Variants in GRM8 observed in about 807,000 individuals in gnomAD.
The protein encoded by GRM8 is metabotropic glutamate receptor 8.
A neutral mutation model predicts 87.2 loss-of-function variants in GRM8; 47 were observed. The ratio of observed to expected loss-of-function variants is 0.54; its 90% CI spans 0.43 to 0.69. The LOEUF (loss-of-function observed/expected upper bound fraction) is 0.69. Among genes scored for constraint, GRM8 ranks in the 30% least tolerant of loss-of-function variants. GRM8 has a pLI of 0.00. For synonymous variants in GRM8, 396 were observed against 404.5 expected, an observed-to-expected ratio of 0.98 and a Z score of 0.25; for missense variants, 1,019 against 1,139.2, an observed-to-expected ratio of 0.89 and a Z score of 1.52.
At chr7:126,994,543 T>C (rs1287695144) in intron 3 of GRM8, among the ~76,000 whole-genome samples, 1 of 152,146 alleles carries the variant, frequency 6.6e-6, no homozygotes, top group East Asian at 1.9e-4. Context: ...CCTGGCAGCA[T>C]TGACCACAAT....
intron 3 of GRM8, among the ~76,000 whole-genome samples, chr7:126,975,683 C>T (rs775910480): frequency 2.6e-5 from 4 of 152,088 alleles, no homozygotes; most frequent in Non-Finnish European, 4.4e-5. Flanking sequence ...GATCTTATGA[C>T]AGTTTTATTT....
Position 127,116,805 on chromosome 7 carries a change from C to T in GRM8, c.511-10093G>A, listed in dbSNP as rs559012013. On this transcript the variant is annotated intron_variant, in intron 2 of 10. Transcript: ENST00000339582. ...GTACTTAATTTTAGAAAACTTGCCACAGGCTGAAAAATATTAAACCATAGA... is the reference window on the plus strand; with the variant it reads ...GTACTTAATTTTAGAAAACTTGCCATAGGCTGAAAAATATTAAACCATAGA... 2.0e-5 allele frequency among the ~76,000 whole-genome samples: 3 copies of T among 152,312 alleles called. No individual in the cohort carries two copies. The East Asian group carries it at 5.8e-4, about 29-fold the overall frequency.
chr7:127,018,935 G>T (rs966612810), intron 3 of GRM8, among the ~76,000 whole-genome samples: 2 of 151,916 alleles, frequency 1.3e-5, no homozygotes, highest in Admixed American at 6.6e-5. Context: ...ACTTTGTTAC[G>T]TGAGAAAAGC....
At chr7:127,031,149 T>C (rs1817323096) in intron 3 of GRM8, among the ~76,000 whole-genome samples, 1 of 152,272 alleles carries the variant, frequency 6.6e-6, no homozygotes, top group South Asian at 2.1e-4. Context: ...GTTTTCTTTA[T>C]GTAGATTACT....
At chr7:126,875,512 T>C (rs1362264411) in intron 6 of GRM8, among the ~76,000 whole-genome samples, 3 of 152,186 alleles carry the variant, frequency 2.0e-5, no homozygotes, top group Non-Finnish European at 4.4e-5. Flanking sequence ...GAAGTCACCA[T>C]AGGTATGAAT....
chr7:126,639,991 T>C (rs946083549), intron 7 of GRM8, among the ~76,000 whole-genome samples: 1 of 152,162 alleles, frequency 6.6e-6, no homozygotes, highest in Non-Finnish European at 1.5e-5. Context: ...AAGCACTCCA[T>C]GTGGTTCAAA....
intron 1 of GRM8, among the ~76,000 whole-genome samples, chr7:127,246,790 C>T (rs1359650493): frequency 2.6e-5 from 4 of 152,206 alleles, no homozygotes; most frequent in Admixed American, 1.3e-4. Context: ...TTCTACACAC[C>T]TTCTCTGTAC....
At chr7:126,638,080 C>T (rs1802031559) in intron 7 of GRM8, among the ~76,000 whole-genome samples, 1 of 151,988 alleles carries the variant, frequency 6.6e-6, no homozygotes, top group Admixed American at 6.6e-5. Context: ...GCATTATATA[C>T]CACACTTTTC....
intron 9 of GRM8, among the ~76,000 whole-genome samples, chr7:126,470,875 T>C (rs1584726338): frequency 1.3e-5 from 2 of 152,144 alleles, no homozygotes; most frequent in Non-Finnish European, 2.9e-5. Flanking sequence ...TTTTTAATGA[T>C]TGCCATTCTA....
intron 9 of GRM8, among the ~76,000 whole-genome samples, chr7:126,526,270 G>C (rs1343491121): frequency 1.3e-5 from 2 of 152,142 alleles, no homozygotes; most frequent in African/African-American, 4.8e-5. Flanking sequence ...GATTAGGTTT[G>C]TGTATATGAT....
At chr7:126,912,474 A>G (rs1486856753) in intron 3 of GRM8, among the ~76,000 whole-genome samples, 2 of 152,204 alleles carry the variant, frequency 1.3e-5, no homozygotes, top group Non-Finnish European at 2.9e-5. Flanking sequence ...GAAGATTGTA[A>G]AACTTTTCAT....
intron 3 of GRM8, among the ~76,000 whole-genome samples, chr7:126,986,291 T>G (rs1812059247): frequency 6.6e-6 from 1 of 152,184 alleles, no homozygotes; most frequent in South Asian, 2.1e-4. Flanking sequence ...ATTACAGGCT[T>G]GAGTCACCAC....
chr7:126,489,231 GT>G (rs34919773), intron 9 of GRM8, among the ~76,000 whole-genome samples: 5,759 of 151,554 alleles, frequency 0.038, 337 homozygotes, highest in African/African-American at 0.12. Context: ...TTATGAGAAA[GT>G]TTTTTTTTGA....
At chr7:126,493,575 T>A (rs574192859) in intron 9 of GRM8, among the ~76,000 whole-genome samples, 14 of 152,038 alleles carry the variant, frequency 9.2e-5, no homozygotes, top group African/African-American at 3.4e-4. Flanking sequence ...AGAAAATGAG[T>A]AGCTGTATGC....
intron 9 of GRM8, among the ~76,000 whole-genome samples, chr7:126,476,178 C>G (rs549213636): frequency 5.3e-5 from 8 of 152,130 alleles, no homozygotes; most frequent in Non-Finnish European, 7.4e-5. Flanking sequence ...GGGAGGACAG[C>G]TTAAGGACAG....
At chr7:126,547,920 G>A (rs570442198) in intron 8 of GRM8, among the ~76,000 whole-genome samples, 1 of 151,668 alleles carries the variant, frequency 6.6e-6, no homozygotes, top group African/African-American at 2.4e-5. Context: ...TAGTTGATGT[G>A]CTGAACCTAA....
chr7:127,125,773 C>T (rs1827331688), intron 2 of GRM8, among the ~76,000 whole-genome samples: 1 of 150,658 alleles, frequency 6.6e-6, no homozygotes, highest in Non-Finnish European at 1.5e-5. Context: ...TAAACACACA[C>T]ACACACACAC....
At chr7:127,078,085 C>T (rs575670265) in intron 3 of GRM8, among the ~76,000 whole-genome samples, 13 of 152,348 alleles carry the variant, frequency 8.5e-5, no homozygotes, top group Admixed American at 2.0e-4. Context: ...AGTGACTTGG[C>T]TATAGCCATG....
chr7:127,216,517 C>CAAAAAAAAAAA lies in GRM8; in HGVS notation c.510+26167_510+26177dup, dbSNP rs58730624. ...TGGGCGACAGAGCGAGACTCCGTCT[C>CAAAAAAAAAAA]AAAAAAAAAAAAAAAAACAAAAAAA... On this transcript the variant is annotated intron_variant, in intron 2 of 10. Transcript: ENST00000339582. Among the ~76,000 whole-genome samples, 156 of 62,890 alleles carry CAAAAAAAAAAA rather than the reference C, an allele frequency of 2.5e-3. 5 individuals are homozygous for CAAAAAAAAAAA. Among genetic ancestry groups the CAAAAAAAAAAA allele is most frequent in the Non-Finnish European group, 3.8e-3 (110 of 29,146 alleles). The allele number at this position is 62,890 out of a possible 152,430, so 41.3% of individuals were successfully genotyped here.
Sources: allele counts gnomAD v4.1 joint callset (sites outside exome capture counted in the v4.1 genomes callset), GRCh38; gene constraint gnomAD v4.1.1; transcripts MANE v1.5; gene names NCBI Gene and HGNC (gene_info 2026-07-23, HGNC 2026-07-21).